The following PVT1 variants were observed in gnomAD, a reference collection of about 807,000 sequenced individuals.
The protein encoded by PVT1 is CXCR4/PVT1 fusion.
rs181214052 is a variant in PVT1, at chr8:127,880,583, A to T, written n.373-10006A>T. ...AGTGCTGGGATTATAGGCATGAGCC[A>T]TCGCCCCCGGCCCTTTTTTTTTTTT... On this transcript the variant is annotated intron_variant and non_coding_transcript_variant, in intron 2 of 10. Coordinates refer to ENST00000651587, the Ensembl canonical transcript of PVT1. Among the ~76,000 whole-genome samples, 626 of 132,542 alleles carry T rather than the reference A, an allele frequency of 4.7e-3. 12 individuals carry two copies. The highest frequency in any genetic ancestry group is 0.017 in the African/African-American group (585 of 34,678). The allele number at this position is 132,542 out of a possible 152,430, so 87.0% of individuals were successfully genotyped here.
At chr8:128,072,825 T>C (rs1163459209) in intron 5 of PVT1, among the ~76,000 whole-genome samples, 1 of 151,890 alleles carries the variant, frequency 6.6e-6, no homozygotes, top group African/African-American at 2.4e-5. Flanking sequence ...TTATTTTATT[T>C]TATTTTTATT....
intron 2 of PVT1, among the ~76,000 whole-genome samples, chr8:127,877,115 G>A (rs951274772): frequency 7.9e-5 from 12 of 152,280 alleles, no homozygotes; most frequent in Middle Eastern, 3.4e-3. Context: ...GTTTCCTCTC[G>A]CCGAGGAGGA....
chr8:127,907,681 G>T (rs1815839785), intron 3 of PVT1, among the ~76,000 whole-genome samples: 1 of 152,078 alleles, frequency 6.6e-6, no homozygotes, highest in South Asian at 2.1e-4. Flanking sequence ...ATCAGATTTG[G>T]GTCAGGAAGC....
intron 5 of PVT1, among the ~76,000 whole-genome samples, chr8:128,078,803 G>A (rs1254461421): frequency 1.3e-5 from 2 of 152,044 alleles, no homozygotes; most frequent in Non-Finnish European, 2.9e-5. Context: ...TTATACCAGT[G>A]TTGACAGGGT....
chr8:127,881,079 G>A (rs1469944045), intron 2 of PVT1, among the ~76,000 whole-genome samples: 2 of 152,246 alleles, frequency 1.3e-5, no homozygotes, highest in African/African-American at 4.8e-5. Flanking sequence ...GCTGGTAGAA[G>A]GCTGGTTCTA....
At chr8:128,083,870 C>G (rs1012631692) in intron 5 of PVT1, among the ~76,000 whole-genome samples, 1 of 152,176 alleles carries the variant, frequency 6.6e-6, no homozygotes, top group East Asian at 1.9e-4. Context: ...GGGTCCCACT[C>G]TAATTTGGGC....
At chr8:127,953,580 C>T (rs1816533646) in intron 3 of PVT1, among the ~76,000 whole-genome samples, 1 of 152,160 alleles carries the variant, frequency 6.6e-6, no homozygotes, top group African/African-American at 2.4e-5. Flanking sequence ...ACAGCACTAT[C>T]CACACCCCTC....
intron 2 of PVT1, among the ~76,000 whole-genome samples, chr8:127,881,854 A>T (rs1815470987): frequency 6.6e-6 from 1 of 151,260 alleles, no homozygotes; most frequent in Non-Finnish European, 1.5e-5. Context: ...GAATCCTCTT[A>T]CCTCAGCCTC....
intron 3 of PVT1, among the ~76,000 whole-genome samples, chr8:127,953,421 C>T (rs1055261484): frequency 6.6e-6 from 1 of 152,116 alleles, no homozygotes; most frequent in Non-Finnish European, 1.5e-5. Context: ...AAAAATCAGG[C>T]TCTTTGGAAT....
At chr8:128,016,708 G>C (rs149893226) in intron 4 of PVT1, among the ~76,000 whole-genome samples, 1 of 152,230 alleles carries the variant, frequency 6.6e-6, no homozygotes, top group South Asian at 2.1e-4. Flanking sequence ...AGTCATGCCT[G>C]TACTGCTCTT....
chr8:127,823,931 G>T (rs949958420), intron 2 of PVT1, among the ~76,000 whole-genome samples: 1 of 152,180 alleles, frequency 6.6e-6, no homozygotes, highest in Non-Finnish European at 1.5e-5. Flanking sequence ...GGTGGCTCAC[G>T]CCTGTAATCC....
At chr8:127,877,850 T>C (rs59785342) in intron 2 of PVT1, among the ~76,000 whole-genome samples, 1,732 of 152,200 alleles carry the variant, frequency 0.011, 38 homozygotes, top group African/African-American at 0.039. Flanking sequence ...TGCTTGAGCC[T>C]GGGAGTTTGA....
chr8:127,973,909 G>A (rs1816792572), intron 3 of PVT1, among the ~76,000 whole-genome samples: 1 of 151,984 alleles, frequency 6.6e-6, no homozygotes, highest in South Asian at 2.1e-4. Flanking sequence ...GAACCCGGGA[G>A]GAGGAGCTTG....
chr8:128,087,747 C>CTTTTTTTTTTTTTTTTTTTTTTTTTTTT (rs71568675), intron 5 of PVT1, among the ~76,000 whole-genome samples: 3 of 76,588 alleles, frequency 3.9e-5, no homozygotes, highest in African/African-American at 1.5e-4. Context: ...TGATGTGCTA[C>CTTTTTTTTTTTTTTTTTTTTTTTTTTTT]TTTTTTTTTT....
chr8:127,924,508 ATTT>A (rs140569442), intron 3 of PVT1, among the ~76,000 whole-genome samples: 12,889 of 92,368 alleles, frequency 0.14, 667 homozygotes, highest in South Asian at 0.26. Flanking sequence ...TAACTTTTGT[ATTT>A]TTTTTTTTTT....
intron 4 of PVT1, among the ~76,000 whole-genome samples, chr8:128,046,639 C>T (rs763206681): frequency 6.6e-5 from 10 of 152,218 alleles, no homozygotes; most frequent in Non-Finnish European, 1.5e-4. Context: ...CTCCTTAGCA[C>T]AGCACCTGAG....
At chr8:128,088,239 AG>A (rs1411009956) in intron 5 of PVT1, among the ~76,000 whole-genome samples, 1 of 152,162 alleles carries the variant, frequency 6.6e-6, no homozygotes, top group Non-Finnish European at 1.5e-5. Flanking sequence ...AGAATGGTGG[AG>A]GTCTTCCTGT....
chr8:127,860,096 G>T (rs911310398), intron 2 of PVT1, among the ~76,000 whole-genome samples: 1 of 152,192 alleles, frequency 6.6e-6, no homozygotes, highest in Admixed American at 6.5e-5. Flanking sequence ...CAGGAACGGT[G>T]TGTGTGCCTC....
At chr8:128,069,184 T>C (rs1397236383) in intron 4 of PVT1, among the ~76,000 whole-genome samples, 1 of 152,228 alleles carries the variant, frequency 6.6e-6, no homozygotes, top group African/African-American at 2.4e-5. Context: ...AAAACCTGTA[T>C]AGAGAGAGGC....
Sources: gnomAD v4.1 joint callset for allele counts (sites outside exome capture counted in the v4.1 genomes callset) on GRCh38, gnomAD v4.1.1 for gene constraint, MANE v1.5 for transcripts, NCBI Gene and HGNC (gene_info 2026-07-23, HGNC 2026-07-21) for gene names.